Variants in DNMT1 observed in about 807,000 individuals in gnomAD.
DNMT1 encodes the protein DNA methyltransferase 1, also known as DNA (cytosine-5)-methyltransferase 1.
A neutral mutation model predicts 205.3 loss-of-function variants in DNMT1; 24 were observed. The observed-to-expected ratio is 0.12, with a 90% CI of 0.08 to 0.16. The LOEUF is 0.16. Among genes scored for constraint, DNMT1 ranks in the 10% least tolerant of loss-of-function variants. The probability of loss-of-function intolerance (pLI) is 1.00; values close to 1 mark genes in which losing one functional copy is unlikely to be tolerated. For missense variants in DNMT1, 1,293 were observed against 2,177.7 expected, an observed-to-expected ratio of 0.59 and a Z score of 8.09; for synonymous variants, 817 against 839.8, an observed-to-expected ratio of 0.97 and a Z score of 0.47.
Position 10,142,085 on chromosome 19 carries a change from C to A in DNMT1, c.3252G>T (p.Leu1084=), listed in dbSNP as rs1459002984. ...GRCTVEYGED[L]PECVQVYSMG... ...TGGAGTACACCTGGACGCACTCGGG[C>A]AGGTCCTCCCCATACTCCACGGTGC... The change falls in exon 30 of 41, where the codon CTG becomes CTT. Residue 1084 remains leucine (L), a synonymous_variant. Coordinates refer to ENST00000359526, the MANE Select transcript of DNMT1 (RefSeq NM_001130823.3). 1 of 1,611,378 alleles carries A rather than the reference C, an allele frequency of 6.2e-7. No individual in the cohort carries two copies. The highest frequency in any genetic ancestry group is 1.1e-5 in the South Asian group (1 of 91,040).
chr19:10,166,567 G>T (rs1161674745), intron 11 of DNMT1, 31 bp downstream of exon 11: 2 of 1,613,310 alleles, frequency 1.2e-6, no homozygotes, highest in East Asian at 2.2e-5. Context: ...AAGAATGAGG[G>T]GGAGTTCAGA....
chr19:10,190,694 G>T lies in DNMT1; in HGVS notation c.80+4126C>A, dbSNP rs922880126. 2.6e-5 allele frequency among the ~76,000 whole-genome samples: 4 copies of T among 151,932 alleles called. No individual in the cohort carries two copies. In the South Asian group the frequency reaches 8.3e-4, roughly 31 times the overall value. ...GCAGGAGAATCACTTGAACCCGGGAGGGGGAGGTTGCAGTGAGCCAAGTTC... is the reference window on the plus strand; with the variant it reads ...GCAGGAGAATCACTTGAACCCGGGATGGGGAGGTTGCAGTGAGCCAAGTTC... On this transcript the variant is annotated intron_variant, in intron 1 of 40. Transcript: ENST00000359526.
intron 11 of DNMT1, 31 bp from the exon 12 acceptor site, chr19:10,163,391 A>C: frequency 6.2e-7 from 1 of 1,611,510 alleles, no homozygotes; most frequent in Non-Finnish European, 8.5e-7. Flanking sequence ...AGGTAGAGAG[A>C]TAAAGAAGGG....
At chr19:10,192,763 C>A (rs1285752669) in intron 1 of DNMT1, among the ~76,000 whole-genome samples, 1 of 152,000 alleles carries the variant, frequency 6.6e-6, no homozygotes, top group East Asian at 1.9e-4. Context: ...GATATATACC[C>A]ACTAACTGGT....
chr19:10,172,276 G>A (rs1244403815), intron 9 of DNMT1, among the ~76,000 whole-genome samples: 3 of 151,664 alleles, frequency 2.0e-5, no homozygotes, highest in East Asian at 3.9e-4. Context: ...TTATCTGGCT[G>A]TGGTGGCAGG....
In DNMT1 at chr19:10,182,369, GTGTGTATATATATACATATATA is replaced by G. The variant is rs1345880911; in HGVS notation, c.81-314_81-293del. On this transcript the variant is annotated intron_variant, in intron 1 of 40. Coordinates refer to ENST00000359526, the MANE Select transcript of DNMT1 (RefSeq NM_001130823.3). Reference sequence around the variant, plus strand: ...AACACAATTATGTGTATGTGTGTGTGTGTGTATATATATACATATATATGTGTATATATATACATATATATGT... The same window carrying G: ...AACACAATTATGTGTATGTGTGTGTGTGTGTATATATATACATATATATGT... Among the ~76,000 whole-genome samples, 127 of 145,256 alleles carry G rather than the reference GTGTGTATATATATACATATATA, an allele frequency of 8.7e-4. 2 individuals carry two copies. Among genetic ancestry groups the G allele is most frequent in the South Asian group, 1.6e-3 (7 of 4,500 alleles).
At chr19:10,135,272 G>A (rs2145250765) in intron 39 of DNMT1, among the ~76,000 whole-genome samples, 1 of 151,656 alleles carries the variant, frequency 6.6e-6, no homozygotes, top group East Asian at 1.9e-4. Flanking sequence ...CGGGGGGAGG[G>A]GTGAAATGTG....
rs940286876 is a variant in DNMT1, at chr19:10,134,116, G to A, written c.4864+101C>T. 30 of 1,295,012 alleles carry A rather than the reference G, an allele frequency of 2.3e-5. 1 individual carries two copies. The highest frequency in any genetic ancestry group is 5.8e-5 in the African/African-American group (4 of 68,566). The allele number at this position is 1,295,012 out of a possible 1,614,324, so 80.2% of individuals were successfully genotyped here. A position where few individuals can be genotyped will look rare whatever the true frequency, so the allele number is the denominator to read the frequency against. On this transcript the variant is annotated intron_variant, in intron 40 of 40. Transcript: ENST00000359526. Reference sequence around the variant, plus strand: ...GGCCACGAACGTGGGTAGGTGACCCGCCTGAGTCCCAGAGCCCAAAACGGT... The same window carrying A: ...GGCCACGAACGTGGGTAGGTGACCCACCTGAGTCCCAGAGCCCAAAACGGT...
intron 9 of DNMT1, among the ~76,000 whole-genome samples, chr19:10,169,277 T>C (rs2038760051): frequency 6.7e-6 from 1 of 149,818 alleles, no homozygotes; most frequent in Non-Finnish European, 1.5e-5. Context: ...GCACAGTGGC[T>C]CACTACTGTA....
At chr19:10,143,154 C>A (rs980057909) in intron 29 of DNMT1, among the ~76,000 whole-genome samples, 2 of 152,118 alleles carry the variant, frequency 1.3e-5, no homozygotes, top group African/African-American at 4.8e-5. Flanking sequence ...GTGGGGACAG[C>A]GGGACAGAAC....
chr19:10,149,059 C>T, intron 26 of DNMT1, 42 bp from the exon 27 acceptor site: 3 of 1,611,252 alleles, frequency 1.9e-6, no homozygotes, highest in Non-Finnish European at 2.5e-6. Context: ...CGCAGTGGCT[C>T]ATGCCTGTAT....
rs1183694434 is a variant in DNMT1, at chr19:10,143,957, T to A, written c.2925A>T (p.Pro975=). Residue 975 remains proline, a synonymous_variant, in exon 29 of 41, where the codon CCA becomes CCT. Coordinates refer to ENST00000359526, the MANE Select transcript of DNMT1 (RefSeq NM_001130823.3). ...NIKLSSPVKR[P]RKEPVDEDLY... is the part of the protein sequence containing the mutation. The stretch of plus-strand genomic sequence containing the variant: ...GGTCCTCATCCACGGGCTCCTTCCG[T>A]GGGCGTTTCACGGGACTGGACAGCT... 1.2e-6 allele frequency: 2 copies of A among 1,613,914 alleles called. No individual in the cohort carries two copies. Among genetic ancestry groups the A allele is most frequent in the Non-Finnish European group, 1.7e-6 (2 of 1,179,988 alleles).
chr19:10,140,024 T>C lies in DNMT1; in HGVS notation c.3806+22A>G, dbSNP rs1223899109. ...ACAGCCCCGGGCCGTCTGGCAACACTGGGGGGCTTCTACCCGTTTACCTGA... is the reference window on the plus strand; with the variant it reads ...ACAGCCCCGGGCCGTCTGGCAACACCGGGGGGCTTCTACCCGTTTACCTGA... On this transcript the variant is annotated intron_variant, in intron 33 of 40. Transcript: ENST00000359526. This position sits in a 1 kb window ranked among gnomAD's most constrained non-coding sequence, Gnocchi z 8.4. The C allele has an allele frequency of 1.9e-6, 3 of 1,604,880 alleles. No homozygotes were observed. Among genetic ancestry groups the C allele is most frequent in the Non-Finnish European group, 1.7e-6 (2 of 1,179,978 alleles).
chr19:10,151,294 G>A lies in DNMT1; in HGVS notation c.2265+104C>T. ...GGGGCAAACAGACAGGTTTCTTAGT[G>A]CCGGGGCTCAGGCTGCCTGAGAGGT... On this transcript the variant is annotated intron_variant, in intron 24 of 40. Coordinates refer to ENST00000359526, the MANE Select transcript of DNMT1 (RefSeq NM_001130823.3). This position sits in a 1 kb window ranked among gnomAD's most constrained non-coding sequence, Gnocchi z 5.0. 6.5e-7 allele frequency: 1 copy of A among 1,534,632 alleles called. No individual in the cohort carries two copies. Among genetic ancestry groups the A allele is most frequent in the Non-Finnish European group, 8.9e-7 (1 of 1,122,798 alleles).
chr19:10,160,931 TGAAA>T (rs2038554177), intron 13 of DNMT1, among the ~76,000 whole-genome samples: 1 of 152,164 alleles, frequency 6.6e-6, no homozygotes, highest in African/African-American at 2.4e-5. Context: ...AAAGACTTCC[TGAAA>T]AGATTTAGAG....
intron 13 of DNMT1, 51 bp downstream of exon 13, chr19:10,162,616 T>TG (rs759399159): frequency 1.2e-5 from 17 of 1,461,926 alleles, no homozygotes; most frequent in African/African-American, 1.6e-5. Flanking sequence ...AACCCCGTCT[T>TG]GGGGAAAAAA....
chr19:10,182,024 T>G lies in DNMT1; in HGVS notation c.117+17A>C. ...AGTCAGATTTGGTAATAAGAAAAAT[T>G]TTAAGGTGGAGATTACCTTTTCTGT... On this transcript the variant is annotated intron_variant, in intron 2 of 40. Transcript: ENST00000359526. 2 of 1,610,940 alleles carry G rather than the reference T, an allele frequency of 1.2e-6. No individual in the cohort carries two copies. The highest frequency in any genetic ancestry group is 1.7e-6 in the Non-Finnish European group (2 of 1,177,794).
chr19:10,141,989 T>C, intron 30 of DNMT1, 39 bp downstream of exon 30: 4 of 1,608,016 alleles, frequency 2.5e-6, no homozygotes, highest in Non-Finnish European at 3.4e-6. Flanking sequence ...TGGCCAACTT[T>C]GACCCCGAAG....
intron 6 of DNMT1, 98 bp downstream of exon 6, chr19:10,177,194 C>G: frequency 8.9e-7 from 1 of 1,117,742 alleles, no homozygotes; most frequent in Admixed American, 1.8e-5. Context: ...AAAACCTATA[C>G]AACACGGAAG....
Sources: gnomAD v4.1 joint callset for allele counts (sites outside exome capture counted in the v4.1 genomes callset) on GRCh38, gnomAD v4.1.1 for gene constraint, Gnocchi (gnomAD v3.1) non-coding constraint, MANE v1.5 for transcripts, NCBI Gene and HGNC (gene_info 2026-07-23, HGNC 2026-07-21) for gene names.